Variants in NEBL observed in about 807,000 individuals in gnomAD.
NEBL encodes LIM and SH3 protein 2.
In NEBL, 122 loss-of-function variants were observed where a neutral mutation model predicts 140.2. That is an observed-to-expected ratio of 0.87 (90% CI 0.75 to 1.01). NEBL has a LOEUF of 1.01. NEBL is among the 50% of genes least tolerant of loss of function. The pLI is 0.00. For missense variants in NEBL, 1,365 were observed against 1,231.3 expected (o/e 1.11, Z -1.62); for synonymous variants, 436 against 398.9 (o/e 1.09, Z -1.11).
intron 4 of NEBL, among the ~76,000 whole-genome samples, chr10:20,914,031 A>G (rs902274805): frequency 3.9e-5 from 6 of 152,216 alleles, no homozygotes; most frequent in South Asian, 2.1e-4. Context: ...ACTCAGGTTC[A>G]ACCTCCTCTG....
At chr10:20,892,184 C>G (rs150105145) in intron 2 of NEBL, among the ~76,000 whole-genome samples, 44 of 152,332 alleles carry the variant, frequency 2.9e-4, no homozygotes, top group African/African-American at 1.1e-3. Flanking sequence ...CTGATCTAAA[C>G]CAGGCATGGT....
At chr10:21,237,718 T>A (rs1033461148) in intron 3 of NEBL, among the ~76,000 whole-genome samples, 1 of 152,164 alleles carries the variant, frequency 6.6e-6, no homozygotes, top group African/African-American at 2.4e-5. Context: ...GAAATTCTCC[T>A]GCCTCAGCCT....
chr10:21,219,522 A>G (rs2132243571), intron 3 of NEBL, among the ~76,000 whole-genome samples: 2 of 152,316 alleles, frequency 1.3e-5, no homozygotes, highest in Admixed American at 1.3e-4. Flanking sequence ...AACTTTGTGG[A>G]ACATTTTGAA....
intron 3 of NEBL, among the ~76,000 whole-genome samples, chr10:20,996,920 T>C (rs1201722200): frequency 6.6e-6 from 1 of 152,218 alleles, no homozygotes; most frequent in Non-Finnish European, 1.5e-5. Context: ...GTGTGTGCAA[T>C]TGATCAATGC....
upstream of NEBL, among the ~76,000 whole-genome samples, chr10:21,176,330 CA>C (rs1360675946): frequency 3.3e-5 from 5 of 152,084 alleles, no homozygotes; most frequent in African/African-American, 1.2e-4. Context: ...ACCAAACCAG[CA>C]ATGATCACAG....
chr10:21,031,464 C>T (rs538957955), intron 2 of NEBL, among the ~76,000 whole-genome samples: 1 of 152,176 alleles, frequency 6.6e-6, no homozygotes, highest in Non-Finnish European at 1.5e-5. Context: ...ATTCCTGCCG[C>T]GATGGGAGGC....
chr10:21,106,081 A>G (rs925602392), intron 2 of NEBL, among the ~76,000 whole-genome samples: 3 of 151,514 alleles, frequency 2.0e-5, no homozygotes, highest in Admixed American at 1.3e-4. Flanking sequence ...TAGATTCTGG[A>G]TATTAGCCCT....
At chr10:21,074,112 C>T (rs908246897) in intron 2 of NEBL, among the ~76,000 whole-genome samples, 2 of 152,040 alleles carry the variant, frequency 1.3e-5, no homozygotes, top group Admixed American at 6.5e-5. Context: ...TATCATTTTG[C>T]TTTTATGCCA....
Position 20,992,709 on chromosome 10 carries a change from A to G in NEBL, c.249+27408T>C, listed in dbSNP as rs867841075. 2.7e-5 allele frequency among the ~76,000 whole-genome samples: 4 copies of G among 147,346 alleles called. No homozygotes were observed. The Middle Eastern group carries it at 0.014, about 534-fold the overall frequency. On this transcript the variant is annotated intron_variant, in intron 3 of 6. Transcript: ENST00000417816. Reference sequence around the variant, plus strand: ...GAGCTACTTACTATCCTCTACTAAAATTTACTTTCTCCGTAGGCCAACTAC... The same window carrying G: ...GAGCTACTTACTATCCTCTACTAAAGTTTACTTTCTCCGTAGGCCAACTAC...
At chr10:20,954,038 A>G (rs1376815701) in intron 4 of NEBL, among the ~76,000 whole-genome samples, 4 of 151,576 alleles carry the variant, frequency 2.6e-5, no homozygotes, top group Admixed American at 2.6e-4. Flanking sequence ...AAAAAAAAAA[A>G]AAAAAGAAAG....
At position 20,815,715 on chromosome 10, in the gene NEBL, A is replaced by G. The variant is rs776066812; in HGVS notation, c.2151T>C (p.Val717=). The stretch of plus-strand genomic sequence containing the variant: ...CTCTTCCCAGCTGACCTCTGTAATA[A>G]ACCTATCATTTCAGAGAACAAAAAA... ...AKENQKNISN[V]YYRGQLGRAT... is the part of the protein sequence containing the mutation. The change falls in exon 22 of 28, where the codon GTT becomes GTC. Residue 717 remains valine, a splice_region_variant and synonymous_variant. Coordinates refer to ENST00000377122, the MANE Select transcript of NEBL (RefSeq NM_006393.3). The G allele has an allele frequency of 3.8e-6, 6 of 1,589,046 alleles. No homozygotes were observed. The highest frequency in any genetic ancestry group is 5.2e-6 in the Non-Finnish European group (6 of 1,157,576).
chr10:20,894,925 T>TC (rs1301570655), intron 2 of NEBL, among the ~76,000 whole-genome samples: 15 of 128,306 alleles, frequency 1.2e-4, no homozygotes, highest in African/African-American at 4.4e-4. Flanking sequence ...CGAGACTCTG[T>TC]CTAAAAAAAA....
chr10:20,837,935 T>C (rs1487018044), intron 13 of NEBL, among the ~76,000 whole-genome samples: 1 of 152,210 alleles, frequency 6.6e-6, no homozygotes, highest in Non-Finnish European at 1.5e-5. Context: ...CAAAACCTAA[T>C]GTTCATAAAA....
intron 4 of NEBL, among the ~76,000 whole-genome samples, chr10:20,930,931 C>A (rs1183322301): frequency 6.6e-6 from 1 of 152,184 alleles, no homozygotes; most frequent in Non-Finnish European, 1.5e-5. Flanking sequence ...GCTGTGTGGA[C>A]AGTCACAGCC....
intron 20 of NEBL, 142 bp from the exon 21 acceptor site, chr10:20,817,834 ACGC>A: frequency 1.4e-6 from 1 of 724,814 alleles, no homozygotes; most frequent in Non-Finnish European, 2.5e-6. Context: ...GCTTACATAT[ACGC>A]CCACATTCCG....
At chr10:20,951,189 A>G (rs1261825485) in intron 4 of NEBL, among the ~76,000 whole-genome samples, 1 of 152,214 alleles carries the variant, frequency 6.6e-6, no homozygotes, top group East Asian at 1.9e-4. Context: ...AAGAAGCAAA[A>G]AACATGACTT....
chr10:20,832,144 G>C (rs1840476048), intron 14 of NEBL, among the ~76,000 whole-genome samples: 1 of 152,140 alleles, frequency 6.6e-6, no homozygotes, highest in Non-Finnish European at 1.5e-5. Context: ...CACTGGACAA[G>C]TCAATGTTCC....
intron 2 of NEBL, among the ~76,000 whole-genome samples, chr10:21,111,319 C>T (rs1269090155): frequency 6.6e-6 from 1 of 152,142 alleles, no homozygotes; most frequent in Non-Finnish European, 1.5e-5. Context: ...AAGTGGGAGG[C>T]ATCGTGCTAC....
rs1191778681 is a variant in NEBL at position 20,868,756 on chromosome 10, T to A, written c.592A>T (p.Lys198Ter). The A allele has an allele frequency of 6.2e-7, 1 of 1,601,812 alleles. No homozygotes were observed. The highest frequency in any genetic ancestry group is 2.2e-5 in the East Asian group (1 of 44,730). ...ISKIISNAEY[K>*]KGQGIMNKEP... ...TTATTCATTATTCCTTGTCCTTTCTTGTATTCTGCCTAAAATGAATAAATA... is the reference window on the plus strand; with the variant it reads ...TTATTCATTATTCCTTGTCCTTTCTAGTATTCTGCCTAAAATGAATAAATA... Residue 198 changes from lysine to a stop codon, truncating the protein, a stop_gained, in exon 7 of 28, where the codon AAG becomes TAG. Transcript: ENST00000377122. LOFTEE classifies it high-confidence loss of function.
Sources: allele counts gnomAD v4.1 joint callset (sites outside exome capture counted in the v4.1 genomes callset), GRCh38; gene constraint gnomAD v4.1.1; transcripts MANE v1.5; gene names NCBI Gene and HGNC (gene_info 2026-07-23, HGNC 2026-07-21).